GMDS: variants seen among roughly 807,000 people sequenced by gnomAD.
GMDS encodes the protein GDP-mannose 4,6 dehydratase.
GMDS carries 20 observed loss-of-function variants against 49.9 expected under a neutral mutation model. That is an observed-to-expected ratio of 0.40 (90% CI 0.28 to 0.58). The LOEUF is 0.58. GMDS is among the 20% of genes least tolerant of loss of function. GMDS has a pLI of 0.42. For missense variants in GMDS, 362 were observed against 481.4 expected (o/e 0.75, Z 2.32); for synonymous variants, 177 against 178.6 (o/e 0.99, Z 0.07).
At chr6:2,148,524 T>G (rs1269124044) in intron 1 of GMDS, among the ~76,000 whole-genome samples, 1 of 152,110 alleles carries the variant, frequency 6.6e-6, no homozygotes, top group African/African-American at 2.4e-5. Flanking sequence ...GGGTTCAAGC[T>G]ATTCTCCTGC....
chr6:1,811,770 T>C (rs1770441110), intron 7 of GMDS, among the ~76,000 whole-genome samples: 1 of 152,232 alleles, frequency 6.6e-6, no homozygotes, highest in Middle Eastern at 3.2e-3. Context: ...TGGTTTTCTA[T>C]TCCTATTTTG....
At chr6:2,087,872 C>G (rs569634533) in intron 4 of GMDS, among the ~76,000 whole-genome samples, 1 of 152,122 alleles carries the variant, frequency 6.6e-6, no homozygotes, top group Non-Finnish European at 1.5e-5. Flanking sequence ...ATCTGCATTG[C>G]CCAAGTTTTG....
At chr6:1,872,604 G>C (rs2090303992) in intron 7 of GMDS, among the ~76,000 whole-genome samples, 1 of 152,228 alleles carries the variant, frequency 6.6e-6, no homozygotes, top group Non-Finnish European at 1.5e-5. Flanking sequence ...AAACTGGCTA[G>C]TCACATTATT....
rs557659037 is a variant in GMDS, at chr6:1,849,612, T to C, written c.771+80491A>G. ...ATACCCAGTAAATGTACTTAAGTTA[T>C]GTGGAATAAAATAATTTTAGCATTG... On this transcript the variant is annotated intron_variant, in intron 7 of 10. Transcript: ENST00000380815. Among the ~76,000 whole-genome samples, 63 of 152,372 alleles carry C rather than the reference T, an allele frequency of 4.1e-4. 1 individual carries two copies. Among genetic ancestry groups the C allele is most frequent in the African/African-American group, 1.5e-3 (63 of 41,586 alleles).
chr6:1,740,859 T>A (rs1434010820), intron 8 of GMDS, among the ~76,000 whole-genome samples: 2 of 152,228 alleles, frequency 1.3e-5, no homozygotes, highest in African/African-American at 4.8e-5. Context: ...GATCTTATTT[T>A]TGCCTTAATT....
rs527531380 is a variant in GMDS at position 1,859,926 on chromosome 6, T to A, written c.771+70177A>T. On this transcript the variant is annotated intron_variant, in intron 7 of 10. Coordinates refer to ENST00000380815, the MANE Select transcript of GMDS (RefSeq NM_001500.4). ...GAAAATAATACATAGGTAAAAATTT[T>A]AAAAAATTAGAAAATCTTACTTTAA... Among the ~76,000 whole-genome samples, 6 of 152,354 alleles carry A rather than the reference T, an allele frequency of 3.9e-5. No individual in the cohort carries two copies. In the East Asian group the frequency reaches 5.8e-4, roughly 15 times the overall value.
chr6:1,838,994 G>A (rs544972295), intron 7 of GMDS, among the ~76,000 whole-genome samples: 15 of 152,148 alleles, frequency 9.9e-5, no homozygotes, highest in Middle Eastern at 3.2e-3. Context: ...TAAGTACAAC[G>A]ACAAGTGTTT....
intron 1 of GMDS, among the ~76,000 whole-genome samples, chr6:2,162,851 G>C (rs893463437): frequency 1.3e-5 from 2 of 152,104 alleles, no homozygotes; most frequent in Non-Finnish European, 1.5e-5. Context: ...ACAGGAAACC[G>C]AGTTCCCTCC....
At chr6:2,063,322 C>T (rs1771304316) in intron 4 of GMDS, among the ~76,000 whole-genome samples, 1 of 152,096 alleles carries the variant, frequency 6.6e-6, no homozygotes, top group Admixed American at 6.5e-5. Context: ...GTTTTAATTT[C>T]TTAAGGAATT....
At chr6:2,070,108 G>A (rs1330375418) in intron 4 of GMDS, among the ~76,000 whole-genome samples, 2 of 151,550 alleles carry the variant, frequency 1.3e-5, no homozygotes, top group Non-Finnish European at 2.9e-5. Context: ...ATGAGTTCAT[G>A]TCCTTTGTAG....
chr6:2,168,429 C>A (rs1211617063), intron 1 of GMDS, among the ~76,000 whole-genome samples: 1 of 152,314 alleles, frequency 6.6e-6, no homozygotes, highest in South Asian at 2.1e-4. Context: ...AAAATGTGGG[C>A]CTCAGAATGT....
chr6:1,816,581 A>G (rs1770680234), intron 7 of GMDS, among the ~76,000 whole-genome samples: 1 of 152,194 alleles, frequency 6.6e-6, no homozygotes, highest in Non-Finnish European at 1.5e-5. Flanking sequence ...GTATACTGTA[A>G]ACGATTTTGC....
At chr6:2,103,593 G>A (rs1774049181) in intron 4 of GMDS, among the ~76,000 whole-genome samples, 1 of 152,086 alleles carries the variant, frequency 6.6e-6, no homozygotes, top group African/African-American at 2.4e-5. Flanking sequence ...TGAGGTGATG[G>A]GATTGTTAAG....
At chr6:1,741,102 T>C (rs978805721) in intron 8 of GMDS, among the ~76,000 whole-genome samples, 1 of 152,228 alleles carries the variant, frequency 6.6e-6, no homozygotes, top group Admixed American at 6.5e-5. Flanking sequence ...TTTGATATTT[T>C]GACACATGTA....
intron 1 of GMDS, among the ~76,000 whole-genome samples, chr6:2,167,875 A>C (rs961780438): frequency 6.6e-6 from 1 of 152,372 alleles, no homozygotes; most frequent in South Asian, 2.1e-4. Flanking sequence ...TTCCTCTTGT[A>C]CCTTCAATGC....
At chr6:2,190,348 A>C (rs1426884711) in intron 1 of GMDS, among the ~76,000 whole-genome samples, 9 of 152,222 alleles carry the variant, frequency 5.9e-5, no homozygotes, top group African/African-American at 9.7e-5. Flanking sequence ...TTATGCACTC[A>C]CTATAATATA....
intron 1 of GMDS, among the ~76,000 whole-genome samples, chr6:2,242,631 TTCTC>T (rs1322433796): frequency 5.3e-5 from 8 of 152,314 alleles, no homozygotes; most frequent in Admixed American, 2.6e-4. Flanking sequence ...GACTATTTAT[TTCTC>T]TCTGTCTCAT....
At chr6:1,649,455 A>G (rs1443803922) in intron 9 of GMDS, among the ~76,000 whole-genome samples, 1 of 152,200 alleles carries the variant, frequency 6.6e-6, no homozygotes, top group Non-Finnish European at 1.5e-5. Flanking sequence ...CTGACTGTAC[A>G]CTGTGCATCC....
intron 9 of GMDS, chr6:1,679,160 G>A (rs1267397771): frequency 6.6e-6 from 1 of 152,174 alleles, no homozygotes; most frequent in East Asian, 1.9e-4. Flanking sequence ...GACAGATGGC[G>A]GTTATCAAAT....
Sources: allele counts gnomAD v4.1 joint callset (sites outside exome capture counted in the v4.1 genomes callset), GRCh38; gene constraint gnomAD v4.1.1; transcripts MANE v1.5; gene names NCBI Gene and HGNC (gene_info 2026-07-23, HGNC 2026-07-21).